The following GRID1 variants were observed in gnomAD, a reference collection of about 807,000 sequenced individuals.
GRID1 encodes glutamate ionotropic receptor delta type subunit 1.
A neutral mutation model predicts 98.0 loss-of-function variants in GRID1; 28 were observed. The ratio of observed to expected loss-of-function variants is 0.29; its 90% CI spans 0.21 to 0.39. GRID1 has a LOEUF of 0.39. GRID1 is among the 10% of genes least tolerant of loss of function. The pLI, the probability that GRID1 is intolerant of heterozygous loss-of-function variation, is 1.00. For missense variants in GRID1, 1,111 were observed against 1,340.5 expected, an observed-to-expected ratio of 0.83 and a Z score of 2.67; for synonymous variants, 553 against 538.5, an observed-to-expected ratio of 1.03 and a Z score of -0.37.
intron 8 of GRID1, among the ~76,000 whole-genome samples, chr10:85,774,746 C>A (rs1375149627): frequency 6.7e-6 from 1 of 150,068 alleles, no homozygotes; most frequent in African/African-American, 2.4e-5. Context: ...CACTGGCCAT[C>A]AGAGAAATGC....
intron 2 of GRID1, among the ~76,000 whole-genome samples, chr10:86,274,707 CTGTT>C (rs1847241561): frequency 6.6e-6 from 1 of 151,688 alleles, no homozygotes; most frequent in African/African-American, 2.4e-5. Flanking sequence ...ATTTGGCTCT[CTGTT>C]TGTCTGTTAT....
At chr10:85,726,857 G>A (rs140294482) in intron 10 of GRID1, among the ~76,000 whole-genome samples, 3 of 152,196 alleles carry the variant, frequency 2.0e-5, no homozygotes, top group South Asian at 4.1e-4. Flanking sequence ...TGCACAACCC[G>A]GTATCTTTAC....
At chr10:85,754,301 G>C (rs1253041846) in intron 8 of GRID1, among the ~76,000 whole-genome samples, 1 of 152,186 alleles carries the variant, frequency 6.6e-6, no homozygotes, top group Non-Finnish European at 1.5e-5. Context: ...TTTATTGAAG[G>C]CTGCCACATG....
chr10:86,216,294 C>T (rs1351715623), intron 2 of GRID1, among the ~76,000 whole-genome samples: 1 of 152,302 alleles, frequency 6.6e-6, no homozygotes, highest in Middle Eastern at 3.4e-3. Context: ...GGGCCTGAAG[C>T]AGAGATATTC....
chr10:86,226,124 G>T (rs2492737), intron 2 of GRID1, among the ~76,000 whole-genome samples: 32,289 of 151,986 alleles, frequency 0.21, 3,536 homozygotes, highest in South Asian at 0.36. Context: ...AAGGGAAGAA[G>T]GACATCCCGG....
chr10:86,312,666 G>A (rs889497938), intron 2 of GRID1, among the ~76,000 whole-genome samples: 2 of 152,210 alleles, frequency 1.3e-5, no homozygotes, highest in African/African-American at 2.4e-5. Flanking sequence ...AATCACTGTC[G>A]ATCACATCTC....
intron 2 of GRID1, among the ~76,000 whole-genome samples, chr10:86,207,628 C>CTTTTTTT (rs71016123): frequency 7.5e-5 from 8 of 106,210 alleles, no homozygotes; most frequent in East Asian, 2.9e-4. Flanking sequence ...GATGCAGTTT[C>CTTTTTTT]TTTTTTTTTT....
At chr10:86,336,703 C>T (rs1216275757) in intron 2 of GRID1, among the ~76,000 whole-genome samples, 1 of 152,226 alleles carries the variant, frequency 6.6e-6, no homozygotes, top group African/African-American at 2.4e-5. Flanking sequence ...CAGAAGGCAA[C>T]ACGCAGAGTC....
At chr10:85,785,041 A>G (rs1303882295) in intron 8 of GRID1, among the ~76,000 whole-genome samples, 1 of 152,214 alleles carries the variant, frequency 6.6e-6, no homozygotes, top group East Asian at 1.9e-4. Context: ...TGTAGATAGC[A>G]TAATGTCACC....
intron 4 of GRID1, among the ~76,000 whole-genome samples, chr10:85,999,731 C>T (rs1051010826): frequency 3.3e-5 from 5 of 152,124 alleles, no homozygotes; most frequent in African/African-American, 1.2e-4. Flanking sequence ...TTGATTACAT[C>T]AATGGATGCA....
chr10:85,608,538 T>C (rs1842697924), intron 15 of GRID1, among the ~76,000 whole-genome samples: 1 of 152,252 alleles, frequency 6.6e-6, no homozygotes, highest in Admixed American at 6.5e-5. Flanking sequence ...CTAATGTTCT[T>C]GGTAAAGCAT....
chr10:85,658,225 T>C lies in GRID1; in HGVS notation c.1998-10828A>G, dbSNP rs1455039860. On this transcript the variant is annotated intron_variant, in intron 12 of 15. Transcript: ENST00000327946. ...TTAGTTTTCACCATCTTTCCTTCCC[T>C]CTTCTCCTTCCTTTCAAATGTCTGT... Among the ~76,000 whole-genome samples, 4 of 152,150 alleles carry C rather than the reference T, an allele frequency of 2.6e-5. 1 individual carries two copies. The highest frequency in any genetic ancestry group is 4.8e-5 in the African/African-American group (2 of 41,436).
At chr10:86,178,515 A>G (rs1339867509) in intron 3 of GRID1, among the ~76,000 whole-genome samples, 1 of 152,140 alleles carries the variant, frequency 6.6e-6, no homozygotes. Context: ...AGGCCATTTC[A>G]TGAGGGTGTT....
At chr10:85,919,872 C>T (rs1242260620) in intron 4 of GRID1, among the ~76,000 whole-genome samples, 2 of 152,180 alleles carry the variant, frequency 1.3e-5, no homozygotes, top group South Asian at 2.1e-4. Context: ...GGGCTCTGCC[C>T]ACAGTCCCTG....
chr10:85,947,753 A>G (rs1442755547), intron 4 of GRID1, among the ~76,000 whole-genome samples: 1 of 152,210 alleles, frequency 6.6e-6, no homozygotes, highest in African/African-American at 2.4e-5. Flanking sequence ...CACGCTATGA[A>G]AGCCTTATTT....
intron 4 of GRID1, among the ~76,000 whole-genome samples, chr10:85,972,478 A>G (rs909172286): frequency 1.3e-5 from 2 of 148,156 alleles, no homozygotes; most frequent in Non-Finnish European, 3.0e-5. Flanking sequence ...TAAATATATT[A>G]AATATATTTA....
intron 4 of GRID1, among the ~76,000 whole-genome samples, chr10:86,108,371 A>G (rs1002694411): frequency 6.6e-6 from 1 of 152,210 alleles, no homozygotes; most frequent in African/African-American, 2.4e-5. Context: ...ATAAACAAAA[A>G]AAGTGCTCAG....
chr10:86,309,038 A>G (rs1215408684), intron 2 of GRID1, among the ~76,000 whole-genome samples: 3 of 152,192 alleles, frequency 2.0e-5, no homozygotes, highest in Non-Finnish European at 4.4e-5. Context: ...TTATCTAGTA[A>G]TTTATGTTTG....
intron 13 of GRID1, among the ~76,000 whole-genome samples, chr10:85,622,700 C>T (rs73338988): frequency 0.02 from 3,121 of 152,264 alleles, 89 homozygotes; most frequent in African/African-American, 0.064. Flanking sequence ...ATGGCATGGG[C>T]TTATGTCTCA....
Sources: allele counts gnomAD v4.1 joint callset (sites outside exome capture counted in the v4.1 genomes callset), GRCh38; gene constraint gnomAD v4.1.1; transcripts MANE v1.5; gene names NCBI Gene and HGNC (gene_info 2026-07-23, HGNC 2026-07-21).